PKNOX2: variants seen among roughly 807,000 people sequenced by gnomAD.
PKNOX2 encodes homeobox protein PKNOX2.
In PKNOX2, 14 loss-of-function variants were observed where a neutral mutation model predicts 53.1. The observed-to-expected ratio is 0.26, with a 90% CI of 0.17 to 0.41. The LOEUF is 0.41. Among genes scored for constraint, PKNOX2 ranks in the 10% least tolerant of loss-of-function variants. The pLI, the probability that PKNOX2 is intolerant of heterozygous loss-of-function variation, is 1.00. For missense variants in PKNOX2, 496 were observed against 602.8 expected (o/e 0.82, Z 1.85); for synonymous variants, 257 against 242.8 (o/e 1.06, Z -0.54).
intron 3 of PKNOX2, among the ~76,000 whole-genome samples, chr11:125,350,436 C>T (rs943269557): frequency 1.3e-5 from 2 of 152,156 alleles, no homozygotes; most frequent in Non-Finnish European, 2.9e-5. Context: ...AACCCCCGCC[C>T]TCCCATACAC....
intron 5 of PKNOX2, among the ~76,000 whole-genome samples, chr11:125,383,288 G>A (rs1189931773): frequency 6.6e-6 from 1 of 152,022 alleles, no homozygotes; most frequent in Non-Finnish European, 1.5e-5. Context: ...GTGTGCTGGA[G>A]GGGAGACCAT....
intron 2 of PKNOX2, among the ~76,000 whole-genome samples, chr11:125,303,770 A>T (rs550982052): frequency 1.3e-5 from 2 of 152,334 alleles, no homozygotes; most frequent in East Asian, 3.9e-4. Flanking sequence ...AGTGACATAA[A>T]AAAAGAGGGC....
chr11:125,192,381 T>G (rs941376645), intron 1 of PKNOX2, among the ~76,000 whole-genome samples: 5 of 152,034 alleles, frequency 3.3e-5, no homozygotes, highest in Non-Finnish European at 7.4e-5. Context: ...AAGGGCAAAT[T>G]AAGTCAGGAA....
intron 3 of PKNOX2, among the ~76,000 whole-genome samples, chr11:125,346,762 G>A (rs12274482): frequency 0.11 from 16,636 of 151,322 alleles, 1,708 homozygotes; most frequent in African/African-American, 0.27. Flanking sequence ...GGAAGGAAGG[G>A]AGGAAGGAGG....
chr11:125,417,985 C>T (rs976211454), intron 10 of PKNOX2, among the ~76,000 whole-genome samples: 1 of 152,072 alleles, frequency 6.6e-6, no homozygotes, highest in Non-Finnish European at 1.5e-5. Flanking sequence ...CTCTGTGTGA[C>T]TTTTTAGATA....
At chr11:125,375,225 A>T (rs1236663525) in intron 5 of PKNOX2, among the ~76,000 whole-genome samples, 1 of 152,212 alleles carries the variant, frequency 6.6e-6, no homozygotes, top group Non-Finnish European at 1.5e-5. Flanking sequence ...AGAGATCTGT[A>T]AAAATGTTAA....
At chr11:125,200,443 C>T (rs1200727067) in intron 1 of PKNOX2, among the ~76,000 whole-genome samples, 1 of 152,238 alleles carries the variant, frequency 6.6e-6, no homozygotes, top group Non-Finnish European at 1.5e-5. Context: ...TCCCTCGTTT[C>T]CTCGTAGCCC....
chr11:125,235,019 A>C (rs2135568164), intron 1 of PKNOX2, 26 bp from the exon 2 acceptor site: 1 of 152,728 alleles, frequency 6.5e-6, no homozygotes, highest in South Asian at 2.1e-4. Context: ...TACACAGTCT[A>C]TAAAGATGTT....
intron 2 of PKNOX2, among the ~76,000 whole-genome samples, chr11:125,321,463 T>C (rs57653228): frequency 0.04 from 6,166 of 152,324 alleles, 409 homozygotes; most frequent in African/African-American, 0.14. Context: ...GTAAATGCTA[T>C]GTAAATAGTT....
At chr11:125,316,090 G>T (rs1368362413) in intron 2 of PKNOX2, among the ~76,000 whole-genome samples, 1 of 152,110 alleles carries the variant, frequency 6.6e-6, no homozygotes, top group East Asian at 1.9e-4. Context: ...AGTGCAAAAG[G>T]CTCCTTTGCG....
At chr11:125,260,486 C>A (rs902483510) in intron 2 of PKNOX2, among the ~76,000 whole-genome samples, 1 of 152,164 alleles carries the variant, frequency 6.6e-6, no homozygotes, top group Non-Finnish European at 1.5e-5. Context: ...CGTGAGCCAC[C>A]ATGCCCAGCC....
chr11:125,252,942 T>A (rs1344733154), intron 2 of PKNOX2, among the ~76,000 whole-genome samples: 1 of 152,142 alleles, frequency 6.6e-6, no homozygotes, highest in Non-Finnish European at 1.5e-5. Flanking sequence ...CCAACTTCTG[T>A]CCCAGGCAAC....
chr11:125,191,597 G>A (rs1389205649), intron 1 of PKNOX2, among the ~76,000 whole-genome samples: 1 of 152,162 alleles, frequency 6.6e-6, no homozygotes, highest in Non-Finnish European at 1.5e-5. Flanking sequence ...CAGTGCCTCC[G>A]GCGAGCATCT....
intron 10 of PKNOX2, 90 bp from the exon 11 acceptor site, chr11:125,428,922 C>G: frequency 1.4e-6 from 2 of 1,392,426 alleles, no homozygotes; most frequent in Non-Finnish European, 2.0e-6. Flanking sequence ...CTGCCTGGCT[C>G]AGGATAGTGC....
At chr11:125,295,197 G>A (rs1947568154) in intron 2 of PKNOX2, among the ~76,000 whole-genome samples, 5 of 152,196 alleles carry the variant, frequency 3.3e-5, no homozygotes, top group South Asian at 4.1e-4. Context: ...TGGAAACAGA[G>A]TGCTAGGACA....
chr11:125,302,547 T>C (rs1409714965), intron 2 of PKNOX2, among the ~76,000 whole-genome samples: 1 of 152,184 alleles, frequency 6.6e-6, no homozygotes, highest in African/African-American at 2.4e-5. Context: ...CAGGAAGCTC[T>C]CGGCCACCCC....
chr11:125,378,136 G>C (rs975706172), intron 5 of PKNOX2, among the ~76,000 whole-genome samples: 4 of 152,212 alleles, frequency 2.6e-5, no homozygotes, highest in Admixed American at 2.6e-4. Context: ...GTGGTGTCTG[G>C]CCTGGGCACT....
rs762043631 is a variant in PKNOX2 at position 125,410,815 on chromosome 11, C to T, written c.755C>T (p.Ser252Phe). The T allele has an allele frequency of 2.4e-5, 38 of 1,613,976 alleles. No individual in the cohort carries two copies. Among genetic ancestry groups the T allele is most frequent in the Non-Finnish European group, 3.2e-5 (38 of 1,180,006 alleles). ...TACCAACCGGTTACCATGGTAACCT[C>T]CCAGGGTCAGGTGGTCACCCAAGCA... ...ALYQPVTMVT[S>F]QGQVVTQAIP... Residue 252 changes from serine (S) to phenylalanine (F), a missense_variant, in exon 9 of 13, where the codon TCC becomes TTC. By Grantham distance (155) the Ser-to-Phe change is radical. Transcript: ENST00000298282.
chr11:125,239,127 C>T lies in PKNOX2; in HGVS notation c.-130+4012C>T, dbSNP rs534528455. On this transcript the variant is annotated intron_variant, in intron 2 of 12. Coordinates refer to ENST00000298282, the MANE Select transcript of PKNOX2 (RefSeq NM_001382323.2). ...GTTGGAAAGAAAGGCTATTCCTTTC[C>T]ATTGCTTCTGACAGAGACGGTCAAG... is the stretch of plus-strand genomic sequence containing the variant. Among the ~76,000 whole-genome samples the T allele has an allele frequency of 2.6e-5, 4 of 152,332 alleles. No individual in the cohort carries two copies. The South Asian group carries it at 6.2e-4, about 24-fold the overall frequency.
Sources: allele counts gnomAD v4.1 joint callset (sites outside exome capture counted in the v4.1 genomes callset), GRCh38; gene constraint gnomAD v4.1.1; transcripts MANE v1.5; gene names NCBI Gene and HGNC (gene_info 2026-07-23, HGNC 2026-07-21).